The following CDH8 variants were observed in gnomAD, a reference collection of about 807,000 sequenced individuals.
The protein encoded by CDH8 is cadherin 8.
A neutral mutation model predicts 68.1 loss-of-function variants in CDH8; 17 were observed. The observed-to-expected ratio is 0.25, with a 90% CI of 0.17 to 0.37. The LOEUF (loss-of-function observed/expected upper bound fraction) is 0.37. Ranked by LOEUF, CDH8 falls within the 10% of genes least tolerant of loss-of-function variation. The pLI is 1.00. For missense variants in CDH8, 763 were observed against 999.3 expected (o/e 0.76, Z 3.19); for synonymous variants, 372 against 365.1 (o/e 1.02, Z -0.21).
At chr16:61,704,981 T>A (rs568721377) in intron 10 of CDH8, among the ~76,000 whole-genome samples, 2 of 152,254 alleles carry the variant, frequency 1.3e-5, no homozygotes, top group South Asian at 4.2e-4. Context: ...CACCTTCTTT[T>A]CAGACCACCC....
chr16:61,933,123 T>C (rs1364629438), intron 2 of CDH8, among the ~76,000 whole-genome samples: 2 of 152,214 alleles, frequency 1.3e-5, no homozygotes, highest in Non-Finnish European at 2.9e-5. Flanking sequence ...ATTTTAAATA[T>C]ATGAAAAAGT....
At chr16:61,762,137 G>C (rs1960486750) in intron 8 of CDH8, among the ~76,000 whole-genome samples, 1 of 152,160 alleles carries the variant, frequency 6.6e-6, no homozygotes, top group Non-Finnish European at 1.5e-5. Context: ...GACTTCCTCT[G>C]GGCATTGCCC....
At chr16:61,899,921 A>T (rs975316042) in intron 3 of CDH8, among the ~76,000 whole-genome samples, 2 of 151,874 alleles carry the variant, frequency 1.3e-5, no homozygotes, top group African/African-American at 4.8e-5. Flanking sequence ...TTGGGAGGTA[A>T]GGCATTCTGT....
intron 1 of CDH8, among the ~76,000 whole-genome samples, chr16:62,031,314 AGACTTAGGAG>A (rs1902318961): frequency 6.6e-6 from 1 of 152,206 alleles, no homozygotes; most frequent in South Asian, 2.1e-4. Context: ...GACTAAAAAT[AGACTTAGGAG>A]GACTTATGAA....
chr16:61,856,164 C>T (rs1019998754), intron 4 of CDH8, among the ~76,000 whole-genome samples: 9 of 152,016 alleles, frequency 5.9e-5, no homozygotes, highest in South Asian at 2.1e-4. Flanking sequence ...ATCTCAACAG[C>T]GCTGAAAAGT....
At chr16:61,931,532 C>T (rs1964539604) in intron 2 of CDH8, among the ~76,000 whole-genome samples, 1 of 152,012 alleles carries the variant, frequency 6.6e-6, no homozygotes, top group Non-Finnish European at 1.5e-5. Flanking sequence ...TCAGGGCATT[C>T]TGACTGAATG....
At chr16:61,775,605 G>T (rs926987452) in intron 8 of CDH8, among the ~76,000 whole-genome samples, 2 of 152,096 alleles carry the variant, frequency 1.3e-5, no homozygotes, top group African/African-American at 4.8e-5. Context: ...CTTGCTCACC[G>T]GGGCTTCCTG....
intron 2 of CDH8, among the ~76,000 whole-genome samples, chr16:62,008,384 T>A (rs1412486100): frequency 6.6e-6 from 1 of 152,240 alleles, no homozygotes; most frequent in East Asian, 1.9e-4. Flanking sequence ...GTGAATGTGA[T>A]GATGGGGAGC....
intron 10 of CDH8, among the ~76,000 whole-genome samples, chr16:61,658,146 T>A (rs1290723269): frequency 1.3e-5 from 2 of 152,074 alleles, no homozygotes; most frequent in South Asian, 4.1e-4. Flanking sequence ...TTTACTTGAG[T>A]TCTTTCATTA....
chr16:61,925,764 C>T lies in CDH8; in HGVS notation c.253-24291G>A, dbSNP rs538891036. ...ATGTCATAAAATGTTAAATTCAAGA[C>T]TCATAGTAAATATCCACTTACTCCA... On this transcript the variant is annotated intron_variant, in intron 2 of 11. Coordinates refer to ENST00000577390, the MANE Select transcript of CDH8 (RefSeq NM_001796.5). Among the ~76,000 whole-genome samples the T allele has an allele frequency of 8.5e-4, 129 of 152,242 alleles. 1 individual carries two copies. Among genetic ancestry groups the T allele is most frequent in the African/African-American group, 3.0e-3 (124 of 41,540 alleles).
chr16:62,025,746 A>G (rs989701846), intron 1 of CDH8, among the ~76,000 whole-genome samples: 3 of 152,192 alleles, frequency 2.0e-5, no homozygotes, highest in African/African-American at 7.2e-5. Context: ...ATTATTTTCC[A>G]TAATGGAATA....
At chr16:61,808,359 T>C (rs567153574) in intron 7 of CDH8, among the ~76,000 whole-genome samples, 15 of 151,944 alleles carry the variant, frequency 9.9e-5, no homozygotes, top group African/African-American at 3.6e-4. Context: ...AAAAAAAAAA[T>C]AGAAATTTAT....
At chr16:61,998,151 A>C (rs545148819) in intron 2 of CDH8, among the ~76,000 whole-genome samples, 9 of 152,346 alleles carry the variant, frequency 5.9e-5, no homozygotes, top group Admixed American at 5.2e-4. Flanking sequence ...GGTTTAGAAG[A>C]AAAATGCAAT....
At chr16:61,751,402 A>AAC (rs1555507508) in intron 8 of CDH8, among the ~76,000 whole-genome samples, 2 of 149,796 alleles carry the variant, frequency 1.3e-5, no homozygotes, top group Non-Finnish European at 3.0e-5. Context: ...AAAAAAAAAA[A>AAC]AAAAAAAAAC....
At chr16:61,694,257 A>G (rs1964285380) in intron 10 of CDH8, among the ~76,000 whole-genome samples, 1 of 152,220 alleles carries the variant, frequency 6.6e-6, no homozygotes, top group African/African-American at 2.4e-5. Context: ...TTGTCCTCAG[A>G]AGTGCTTTTC....
intron 2 of CDH8, among the ~76,000 whole-genome samples, chr16:62,011,383 G>T (rs1395330999): frequency 6.6e-6 from 1 of 152,180 alleles, no homozygotes; most frequent in African/African-American, 2.4e-5. Flanking sequence ...CCTGCAATGT[G>T]GAAGGAGTCC....
intron 2 of CDH8, among the ~76,000 whole-genome samples, chr16:61,917,215 G>T (rs557876091): frequency 7.5e-6 from 1 of 133,684 alleles, no homozygotes; most frequent in Non-Finnish European, 1.6e-5. Flanking sequence ...TCATCTATAG[G>T]TAAGGTTTTT....
chr16:61,675,461 A>AG (rs965343549), intron 10 of CDH8, among the ~76,000 whole-genome samples: 1 of 55,272 alleles, frequency 1.8e-5, no homozygotes, highest in Non-Finnish European at 3.2e-5. Context: ...GGGTGGGGGG[A>AG]GGGGGGAGGG....
At chr16:61,861,117 AC>A (rs1292265387) in intron 3 of CDH8, among the ~76,000 whole-genome samples, 2 of 152,186 alleles carry the variant, frequency 1.3e-5, no homozygotes, top group Non-Finnish European at 2.9e-5. Flanking sequence ...ATTAGGTTTT[AC>A]CCTCTGAAAA....
Sources: gnomAD v4.1 joint callset for allele counts (sites outside exome capture counted in the v4.1 genomes callset) on GRCh38, gnomAD v4.1.1 for gene constraint, MANE v1.5 for transcripts, NCBI Gene and HGNC (gene_info 2026-07-23, HGNC 2026-07-21) for gene names.